SCN8A: variants seen among roughly 807,000 people sequenced by gnomAD.
SCN8A encodes the protein sodium voltage-gated channel alpha subunit 8.
A neutral mutation model predicts 184.1 loss-of-function variants in SCN8A; 30 were observed. The ratio of observed to expected loss-of-function variants is 0.16; its 90% CI spans 0.12 to 0.22. The LOEUF is 0.22. Among genes scored for constraint, SCN8A ranks in the 10% least tolerant of loss-of-function variants. The probability of loss-of-function intolerance (pLI) is 1.00; values close to 1 mark genes in which losing one functional copy is unlikely to be tolerated. For synonymous variants in SCN8A, 852 were observed against 907.0 expected (o/e 0.94, Z 1.09); for missense variants, 1,057 against 2,498.9 (o/e 0.42, Z 12.30).
At position 51,807,226 on chromosome 12, in the gene SCN8A, G is replaced by A; in HGVS notation, c.5740G>A (p.Gly1914Ser). Residue 1914 changes from glycine (G) to serine (S), a missense_variant, in exon 27 of 27, where the codon GGC (glycine) becomes AGC (serine). Gly to Ser is a moderately conservative substitution (Grantham distance 56). This residue lies in a region of SCN8A where 95 missense variants were observed against 140.2 expected (regional missense o/e 0.68). Transcript: ENST00000627620. The surrounding 1 kb of genome is among the most constrained non-coding windows in gnomAD (Gnocchi z 4.5). ...RAYRGHLARR[G>S]FICKKTTSNK... ...CTACCGGGGACATTTGGCAAGGCGG[G>A]GCTTCATCTGCAAAAAGACAACTTC... 6.2e-7 allele frequency: 1 copy of A among 1,613,940 alleles called. No individual in the cohort carries two copies. The highest frequency in any genetic ancestry group is 8.5e-7 in the Non-Finnish European group (1 of 1,179,898).
At chr12:51,625,722 T>G (rs1174110901) in intron 1 of SCN8A, among the ~76,000 whole-genome samples, 1 of 152,214 alleles carries the variant, frequency 6.6e-6, no homozygotes, top group Non-Finnish European at 1.5e-5. Flanking sequence ...AAAATTCAGC[T>G]TATCAAGTAA....
intron 16 of SCN8A, among the ~76,000 whole-genome samples, chr12:51,767,199 G>C (rs774184144): frequency 6.6e-6 from 1 of 152,142 alleles, no homozygotes; most frequent in African/African-American, 2.4e-5. Flanking sequence ...ATGGCTTCCC[G>C]GTATGTAGCA....
At chr12:51,715,529 G>T (rs535812258) in intron 11 of SCN8A, among the ~76,000 whole-genome samples, 1 of 151,928 alleles carries the variant, frequency 6.6e-6, no homozygotes, top group South Asian at 2.1e-4. Flanking sequence ...GGCACTTTGG[G>T]AGGCTGAGGT....
intron 26 of SCN8A, 60 bp downstream of exon 26, chr12:51,794,701 G>T: frequency 1.3e-6 from 2 of 1,517,566 alleles, no homozygotes; most frequent in African/African-American, 1.4e-5. Context: ...GTGAGGATGA[G>T]ATTTCCCAGG....
intron 2 of SCN8A, among the ~76,000 whole-genome samples, chr12:51,673,095 G>A (rs1192570560): frequency 6.6e-6 from 1 of 152,064 alleles, no homozygotes; most frequent in African/African-American, 2.4e-5. Flanking sequence ...AGTATAGTCA[G>A]CCCTCCATAC....
At chr12:51,687,243 G>C in intron 5 of SCN8A, 24 bp downstream of exon 5, 1 of 1,611,180 alleles carries the variant, frequency 6.2e-7, no homozygotes, top group Non-Finnish European at 8.5e-7. Context: ...TTACTTTATT[G>C]GTGTTCTGGG....
chr12:51,767,189 A>G lies in SCN8A; in HGVS notation c.2901+1162A>G, dbSNP rs147996479. Among the ~76,000 whole-genome samples the G allele has an allele frequency of 5.6e-4, 85 of 152,236 alleles. 1 individual carries two copies. In the East Asian group the frequency reaches 0.012, roughly 21 times the overall value. On this transcript the variant is annotated intron_variant, in intron 16 of 26. Coordinates refer to ENST00000627620, the MANE Select transcript of SCN8A (RefSeq NM_001330260.2). ...TCTCACTACTTCAGTGACTATAACAATGGCTTCCCGGTATGTAGCATGATC... is the reference window on the plus strand; with the variant it reads ...TCTCACTACTTCAGTGACTATAACAGTGGCTTCCCGGTATGTAGCATGATC...
chr12:51,749,241 A>T (rs1013309300), intron 13 of SCN8A, among the ~76,000 whole-genome samples: 1 of 152,222 alleles, frequency 6.6e-6, no homozygotes, highest in Non-Finnish European at 1.5e-5. Flanking sequence ...TTCCCTTCTC[A>T]GTAAATGTGG....
intron 1 of SCN8A, among the ~76,000 whole-genome samples, chr12:51,662,388 G>T (rs1173282335): frequency 6.6e-6 from 1 of 152,134 alleles, no homozygotes; most frequent in Non-Finnish European, 1.5e-5. Context: ...AGGAAAGGAA[G>T]GTGACTTGAA....
chr12:51,656,931 AT>A (rs1270681664), intron 1 of SCN8A, among the ~76,000 whole-genome samples: 1 of 152,180 alleles, frequency 6.6e-6, no homozygotes, highest in Non-Finnish European at 1.5e-5. Flanking sequence ...CAGCCACAAA[AT>A]GCAAAATAGT....
Position 51,662,839 on chromosome 12 carries a change from C to G in SCN8A, c.22C>G (p.Pro8Ala), listed in dbSNP as rs780814153. Reference sequence around the variant, plus strand: ...GAAGATGGCAGCGCGGCTGCTTGCACCACCAGGCCCTGATAGTTTCAAGCC... The same window carrying G: ...GAAGATGGCAGCGCGGCTGCTTGCAGCACCAGGCCCTGATAGTTTCAAGCC... MAARLLA[P>A]PGPDSFKPFT... The change falls in exon 2 of 27, where the codon CCA becomes GCA. Residue 8 changes from proline to alanine, a missense_variant. Around this residue, in one of 19 missense-constraint regions of SCN8A, gnomAD observed 45 missense variants for 71.3 expected, o/e 0.63. Transcript: ENST00000627620. The G allele has an allele frequency of 3.1e-6, 5 of 1,613,930 alleles. No homozygotes were observed. The highest frequency in any genetic ancestry group is 3.4e-6 in the Non-Finnish European group (4 of 1,179,846).
chr12:51,593,201 T>A (rs1272748598), intron 1 of SCN8A, among the ~76,000 whole-genome samples: 1 of 152,140 alleles, frequency 6.6e-6, no homozygotes, highest in Non-Finnish European at 1.5e-5. Flanking sequence ...TGGGTAGTGA[T>A]CCTTTGGTGT....
intron 14 of SCN8A, among the ~76,000 whole-genome samples, chr12:51,760,997 T>G (rs2138855372): frequency 6.6e-6 from 1 of 152,362 alleles, no homozygotes; most frequent in African/African-American, 2.4e-5. Context: ...TCTTCAGTTT[T>G]CCTTAAACTG....
chr12:51,702,699 T>C, intron 8 of SCN8A, 74 bp from the exon 9 acceptor site: 1 of 1,219,150 alleles, frequency 8.2e-7, no homozygotes, highest in Non-Finnish European at 1.1e-6. Context: ...TAGAATTATG[T>C]TATTTATTAT....
chr12:51,720,940 G>T (rs943551773), intron 11 of SCN8A, among the ~76,000 whole-genome samples: 2 of 151,402 alleles, frequency 1.3e-5, no homozygotes, highest in Non-Finnish European at 2.9e-5. Flanking sequence ...GGTGGTGGAT[G>T]CCTGTAATCC....
At chr12:51,591,799 C>T (rs1446551218) in intron 1 of SCN8A, among the ~76,000 whole-genome samples, 2 of 152,008 alleles carry the variant, frequency 1.3e-5, no homozygotes, top group Non-Finnish European at 2.9e-5. Context: ...CCTCCCCCTC[C>T]CCCATGTCTT....
rs1941278860 is a variant in SCN8A at position 51,679,094 on chromosome 12, A to T, written c.277-5080A>T. On this transcript the variant is annotated intron_variant, in intron 2 of 26. Coordinates refer to ENST00000627620, the MANE Select transcript of SCN8A (RefSeq NM_001330260.2). Reference sequence around the variant, plus strand: ...CCGTCTCCAAAAAAAATAAAAAAATAAAAAAAAATAAAGCTACTCACCCCA... The same window carrying T: ...CCGTCTCCAAAAAAAATAAAAAAATTAAAAAAAATAAAGCTACTCACCCCA... Among the ~76,000 whole-genome samples, 3 of 7,638 alleles carry T rather than the reference A, an allele frequency of 3.9e-4. No homozygotes were observed. The South Asian group carries it at 5.8e-3, about 15-fold the overall frequency. The allele number at this position is 7,638 out of a possible 152,430, so 5.0% of individuals were successfully genotyped here.
rs1427923354 is a variant in SCN8A at position 51,808,482 on chromosome 12, T to C, written c.*1053T>C. 2.0e-5 allele frequency: 3 copies of C among 152,654 alleles called. No individual in the cohort carries two copies. Among genetic ancestry groups the C allele is most frequent in the Admixed American group, 2.0e-4 (3 of 15,284 alleles). The allele number at this position is 152,654 out of a possible 1,614,324, so 9.5% of individuals were successfully genotyped here. On this transcript the variant is annotated 3_prime_UTR_variant, in exon 27 of 27. Coordinates refer to ENST00000627620, the MANE Select transcript of SCN8A (RefSeq NM_001330260.2). The stretch of plus-strand genomic sequence containing the variant: ...CTTTGATCCCAAATGGCTTGTACTA[T>C]TTATGTCACTGTAAAACCAAATCCT...
intron 1 of SCN8A, among the ~76,000 whole-genome samples, chr12:51,593,851 A>G (rs1939286888): frequency 6.6e-6 from 1 of 152,210 alleles, no homozygotes; most frequent in African/African-American, 2.4e-5. Flanking sequence ...GCTGCAACAG[A>G]TCCATATGTA....
Sources: gnomAD v4.1 joint callset for allele counts (sites outside exome capture counted in the v4.1 genomes callset) on GRCh38, gnomAD v4.1.1 for gene constraint, gnomAD v4.1.1 regional missense constraint, Gnocchi (gnomAD v3.1) non-coding constraint, MANE v1.5 for transcripts, NCBI Gene and HGNC (gene_info 2026-07-23, HGNC 2026-07-21) for gene names.